COL28A1: variants seen among roughly 807,000 people sequenced by gnomAD.
COL28A1 encodes collagen alpha-1(XXVIII) chain.
COL28A1 carries 161 observed loss-of-function variants against 150.2 expected under a neutral mutation model. The observed-to-expected ratio is 1.07, with a 90% CI of 0.94 to 1.22. COL28A1 has a LOEUF of 1.22. Among genes scored for constraint, COL28A1 ranks in the 50% most tolerant of loss-of-function variants. The pLI is 0.00. For missense variants in COL28A1, 1,617 were observed against 1,388.3 expected (o/e 1.16, Z -2.62); for synonymous variants, 552 against 469.7 (o/e 1.18, Z -2.26).
chr7:7,467,870 C>A (rs992717687), intron 15 of COL28A1, among the ~76,000 whole-genome samples: 7 of 144,254 alleles, frequency 4.9e-5, no homozygotes, highest in African/African-American at 1.9e-4. Context: ...GGGTACATAA[C>A]GAAATGAAGG....
chr7:7,441,195 T>C (rs1442692655), intron 20 of COL28A1, among the ~76,000 whole-genome samples: 1 of 152,248 alleles, frequency 6.6e-6, no homozygotes, highest in Non-Finnish European at 1.5e-5. Flanking sequence ...GTTTCAGAAA[T>C]GAGTACTATC....
chr7:7,506,216 G>A, intron 10 of COL28A1, 149 bp from the exon 11 acceptor site: 1 of 569,680 alleles, frequency 1.8e-6, no homozygotes, highest in Non-Finnish European at 3.2e-6. Flanking sequence ...CGAGAAGTGG[G>A]ATGAGATAAA....
At chr7:7,417,372 G>A (rs556712188) in intron 27 of COL28A1, among the ~76,000 whole-genome samples, 5 of 151,292 alleles carry the variant, frequency 3.3e-5, no homozygotes, top group African/African-American at 7.3e-5. Flanking sequence ...CCAGAGATTC[G>A]GATTTCGTTC....
chr7:7,521,177 T>C (rs1021214849), intron 5 of COL28A1, among the ~76,000 whole-genome samples: 1 of 152,174 alleles, frequency 6.6e-6, no homozygotes, highest in African/African-American at 2.4e-5. Flanking sequence ...TACAAATAAA[T>C]AGAAGACTGA....
intron 8 of COL28A1, among the ~76,000 whole-genome samples, chr7:7,512,291 C>G (rs1312087002): frequency 6.6e-6 from 1 of 152,040 alleles, no homozygotes; most frequent in Non-Finnish European, 1.5e-5. Flanking sequence ...ATCTATTGTT[C>G]AACACGATGA....
At chr7:7,343,096 C>G in the COL28A1 span, among the ~76,000 whole-genome samples, 1 of 151,872 alleles carries the variant, frequency 6.6e-6, no homozygotes, top group Non-Finnish European at 1.5e-5. Flanking sequence ...TCTAACCGCT[C>G]CTTCTTAGAG....
intron 11 of COL28A1, among the ~76,000 whole-genome samples, chr7:7,496,500 C>A (rs1780215247): frequency 6.6e-6 from 1 of 152,168 alleles, no homozygotes; most frequent in African/African-American, 2.4e-5. Flanking sequence ...ATAATGATAT[C>A]AAGTACCTAT....
At chr7:7,347,376 A>G in the COL28A1 span, among the ~76,000 whole-genome samples, 10 of 152,100 alleles carry the variant, frequency 6.6e-5, no homozygotes, top group Non-Finnish European at 1.5e-4. Flanking sequence ...TGTCTATTCT[A>G]AGAAAAATGG....
intron 2 of COL28A1, 101 bp downstream of exon 2, chr7:7,532,651 A>T: frequency 1.4e-6 from 2 of 1,425,832 alleles, no homozygotes; most frequent in Non-Finnish European, 1.9e-6. Context: ...ACATGTATAC[A>T]TGTATATGGC....
rs375182800 is a variant in COL28A1 at position 7,532,756 on chromosome 7, G to T, written c.120C>A (p.Val40=). The T allele has an allele frequency of 5.6e-6, 9 of 1,601,132 alleles. No individual in the cohort carries two copies. In the South Asian group the frequency reaches 6.8e-5, roughly 12 times the overall value. Residue 40 remains valine (V), a synonymous_variant, in exon 2 of 35, where the codon GTC becomes GTA. Transcript: ENST00000399429. ...KSNLLARKSD[V]QGSICFIDIV... ...AAACAATTTTTTTTTTTTTACCCTG[G>T]ACATCACTTTTCCTTGCAAGCAAAT...
chr7:7,400,687 T>TAA (rs34102862), intron 27 of COL28A1, among the ~76,000 whole-genome samples: 1 of 146,276 alleles, frequency 6.8e-6, no homozygotes, highest in African/African-American at 2.4e-5. Flanking sequence ...TCTCCCAGCT[T>TAA]AAAAAAAAAA....
chr7:7,491,609 T>C lies in COL28A1; in HGVS notation c.1027-963A>G, dbSNP rs1223261026. Among the ~76,000 whole-genome samples the C allele has an allele frequency of 3.9e-5, 6 of 152,376 alleles. No homozygotes were observed. The East Asian group carries it at 5.8e-4, about 15-fold the overall frequency. On this transcript the variant is annotated intron_variant, in intron 11 of 34. Coordinates refer to ENST00000399429, the MANE Select transcript of COL28A1 (RefSeq NM_001037763.3). ...AGCCTATGATGTGGCAAGCCCATAA[T>C]AGAATTCAGGCATTTTAGAACTAGA... is the stretch of plus-strand genomic sequence containing the variant.
At chr7:7,406,965 T>C (rs1225611306) in intron 27 of COL28A1, among the ~76,000 whole-genome samples, 1 of 152,100 alleles carries the variant, frequency 6.6e-6, no homozygotes, top group Non-Finnish European at 1.5e-5. Flanking sequence ...ATATTCTACC[T>C]ATACAGAATG....
chr7:7,400,837 C>G (rs1307930631), intron 27 of COL28A1, among the ~76,000 whole-genome samples: 5 of 152,028 alleles, frequency 3.3e-5, no homozygotes, highest in Non-Finnish European at 5.9e-5. Context: ...AAAATCATTT[C>G]AAACTTACAG....
At chr7:7,350,235 G>A in the COL28A1 span, among the ~76,000 whole-genome samples, 1 of 152,108 alleles carries the variant, frequency 6.6e-6, no homozygotes, top group Non-Finnish European at 1.5e-5. Flanking sequence ...GACCCACTGA[G>A]CAATTGGATA....
At chr7:7,487,193 A>C (rs372336300) in intron 13 of COL28A1, among the ~76,000 whole-genome samples, 1,565 of 151,116 alleles carry the variant, frequency 0.01, 26 homozygotes, top group African/African-American at 0.037. Context: ...AATAAGTGAC[A>C]CTCATTCTTA....
chr7:7,380,418 G>C (rs113789158), intron 30 of COL28A1, among the ~76,000 whole-genome samples: 3 of 152,164 alleles, frequency 2.0e-5, no homozygotes, highest in African/African-American at 7.2e-5. Flanking sequence ...TTTCTACCAA[G>C]CATCCGAGTG....
rs116572798 is a variant in COL28A1, at chr7:7,452,229, C to T, written c.1509+90G>A. The T allele has an allele frequency of 5.1e-3, 7,851 of 1,534,062 alleles. 350 individuals carry two copies. The African/African-American group carries it at 0.095, about 19-fold the overall frequency. ...CCATTATGTAGAGTTAGATAACACACACAGAGTCTGTAAGGCAATTGGATA... is the reference window on the plus strand; with the variant it reads ...CCATTATGTAGAGTTAGATAACACATACAGAGTCTGTAAGGCAATTGGATA... On this transcript the variant is annotated intron_variant, in intron 18 of 34. Transcript: ENST00000399429.
chr7:7,366,105 A>G (rs1229757383), intron 33 of COL28A1, among the ~76,000 whole-genome samples: 2 of 152,198 alleles, frequency 1.3e-5, no homozygotes, highest in Non-Finnish European at 1.5e-5. Context: ...CATTTTTGAC[A>G]GCTGTAATCA....
Sources: allele counts gnomAD v4.1 joint callset (sites outside exome capture counted in the v4.1 genomes callset), GRCh38; gene constraint gnomAD v4.1.1; transcripts MANE v1.5; gene names NCBI Gene and HGNC (gene_info 2026-07-23, HGNC 2026-07-21).